Variants in UMAD1 observed in about 807,000 individuals in gnomAD.
UMAD1 encodes UBAP1-MVB12-associated (UMA) domain containing 1.
In UMAD1, 8 loss-of-function variants were observed where a neutral mutation model predicts 6.1. The observed-to-expected ratio is 1.30, with a 90% confidence interval of 0.76 to 2.35. The LOEUF (loss-of-function observed/expected upper bound fraction) is 2.35, where lower values mean the gene tolerates loss of function less well. Among genes scored for constraint, UMAD1 ranks in the 30% most tolerant of loss-of-function variants. The pLI is 0.00. For synonymous variants in UMAD1, 56 were observed against 31.4 expected (o/e 1.78, Z -2.61); for missense variants, 130 against 78.4 (o/e 1.66, Z -2.49).
intron 2 of UMAD1, among the ~76,000 whole-genome samples, chr7:7,686,686 C>T (rs1780048542): frequency 6.6e-6 from 1 of 152,140 alleles, no homozygotes. Flanking sequence ...TTTAAATCTT[C>T]TTTAGCTTCA....
At chr7:7,835,462 CTTTTTTTTTTTTTTTTTTTTTTTTT>C (rs150411259) in intron 3 of UMAD1, among the ~76,000 whole-genome samples, 14 of 33,654 alleles carry the variant, frequency 4.2e-4, no homozygotes, top group Admixed American at 3.6e-3. Context: ...TGAAACAGCA[CTTTTTTTTTTTTTTTTTTTTTTTTT>C]TTTTTTTTTT....
intron 1 of UMAD1, among the ~76,000 whole-genome samples, chr7:7,665,185 T>G (rs1221141020): frequency 3.9e-5 from 6 of 152,148 alleles, no homozygotes; most frequent in Non-Finnish European, 7.4e-5. Flanking sequence ...CTAATCCTTT[T>G]GTCATGGATA....
intron 3 of UMAD1, among the ~76,000 whole-genome samples, chr7:7,861,132 T>C (rs1267999912): frequency 6.6e-6 from 1 of 152,192 alleles, no homozygotes; most frequent in Non-Finnish European, 1.5e-5. Flanking sequence ...TTAATGGGTA[T>C]AGAGTTTCTG....
chr7:7,753,794 G>A (rs778943723), intron 2 of UMAD1, among the ~76,000 whole-genome samples: 14 of 152,086 alleles, frequency 9.2e-5, no homozygotes, highest in South Asian at 4.2e-4. Flanking sequence ...TATACCCAGC[G>A]GTCAGATTGC....
At chr7:7,865,444 A>G (rs1243236094) in intron 3 of UMAD1, among the ~76,000 whole-genome samples, 2 of 152,204 alleles carry the variant, frequency 1.3e-5, no homozygotes, top group Non-Finnish European at 2.9e-5. Context: ...CCAACTAGGT[A>G]ACTCAGCCTA....
intron 2 of UMAD1, chr7:7,742,292 A>G (rs374497098): frequency 4.6e-6 from 3 of 647,680 alleles, no homozygotes; most frequent in Admixed American, 1.8e-5. Flanking sequence ...TGTCTTCTTC[A>G]TGGCCGACTC....
chr7:7,690,665 C>T (rs886678987), intron 2 of UMAD1, among the ~76,000 whole-genome samples: 2 of 152,054 alleles, frequency 1.3e-5, no homozygotes, highest in Admixed American at 6.6e-5. Context: ...ATTGAGAATA[C>T]TTTAATATAT....
intron 2 of UMAD1, among the ~76,000 whole-genome samples, chr7:7,748,974 A>G (rs539958721): frequency 1.3e-5 from 2 of 152,094 alleles, no homozygotes; most frequent in African/African-American, 4.8e-5. Flanking sequence ...CCTATTACAC[A>G]TGATTTTCTT....
intron 1 of UMAD1, among the ~76,000 whole-genome samples, chr7:7,651,799 G>A: frequency 6.6e-6 from 1 of 152,194 alleles, no homozygotes; most frequent in East Asian, 1.9e-4. Context: ...TAAAAGGTCT[G>A]TGAGTGAGTT....
intron 2 of UMAD1, among the ~76,000 whole-genome samples, chr7:7,702,427 A>G (rs1196621910): frequency 1.3e-5 from 2 of 152,188 alleles, no homozygotes; most frequent in East Asian, 1.9e-4. Context: ...TCTATGGACT[A>G]TAATACGAAA....
rs747054329 is a variant in UMAD1, at chr7:7,850,279, T to G, written c.157-27002T>G. ...ATATTGATATTTAAATATGAAACTC[T>G]TACATCATTCTTTCAAACATATTTA... On this transcript the variant is annotated intron_variant, in intron 3 of 3. Coordinates refer to ENST00000682710, the MANE Select transcript of UMAD1 (RefSeq NM_001302348.2). Among the ~76,000 whole-genome samples, 5 of 152,260 alleles carry G rather than the reference T, an allele frequency of 3.3e-5. No individual in the cohort carries two copies. The South Asian group carries it at 1.0e-3, about 32-fold the overall frequency.
intron 2 of UMAD1, among the ~76,000 whole-genome samples, chr7:7,704,256 A>G (rs151009039): frequency 1.7e-3 from 260 of 152,342 alleles, no homozygotes; most frequent in African/African-American, 5.9e-3. Flanking sequence ...TTTGGAAAAT[A>G]TAGTCATTTT....
intron 2 of UMAD1, among the ~76,000 whole-genome samples, chr7:7,747,590 A>G (rs1481229985): frequency 6.6e-6 from 1 of 152,202 alleles, no homozygotes; most frequent in Admixed American, 6.5e-5. Context: ...CCAAGAAATA[A>G]TAAGCCTTTT....
Position 7,856,594 on chromosome 7 carries a change from G to GT in UMAD1, c.157-20679dup, listed in dbSNP as rs199881561. ...ACCGCCAAACCGTATCATTGGGTGT[G>GT]TTTTTTTTCTTTTTATGAAAGGGTA... On this transcript the variant is annotated intron_variant, in intron 3 of 3. Coordinates refer to ENST00000682710, the MANE Select transcript of UMAD1 (RefSeq NM_001302348.2). 6.6e-3 allele frequency among the ~76,000 whole-genome samples: 1,004 copies of GT among 151,926 alleles called. 12 individuals carry two copies. Among genetic ancestry groups the GT allele is most frequent in the African/African-American group, 0.022 (918 of 41,424 alleles).
chr7:7,798,687 C>G (rs1478131359), intron 2 of UMAD1, among the ~76,000 whole-genome samples: 1 of 152,176 alleles, frequency 6.6e-6, no homozygotes, highest in Non-Finnish European at 1.5e-5. Context: ...GTCTAGTTTC[C>G]TCCCACCTTG....
intron 2 of UMAD1, among the ~76,000 whole-genome samples, chr7:7,691,848 G>A (rs148027454): frequency 2.6e-5 from 4 of 152,262 alleles, no homozygotes; most frequent in Admixed American, 6.5e-5. Flanking sequence ...CCAAACAAAA[G>A]TCATGAAGAT....
intron 1 of UMAD1, among the ~76,000 whole-genome samples, chr7:7,661,590 T>G (rs890079392): frequency 3.3e-5 from 5 of 152,204 alleles, no homozygotes; most frequent in African/African-American, 1.2e-4. Flanking sequence ...TGAAGTTTGC[T>G]GGAGGTCCAG....
intron 2 of UMAD1, among the ~76,000 whole-genome samples, chr7:7,717,048 C>A (rs1456013594): frequency 1.3e-5 from 2 of 149,342 alleles, no homozygotes; most frequent in African/African-American, 5.1e-5. Context: ...CTTTTTCTTT[C>A]TTTCTTTTTT....
intron 2 of UMAD1, among the ~76,000 whole-genome samples, chr7:7,782,322 G>A (rs1232934447): frequency 4.6e-5 from 7 of 151,586 alleles, no homozygotes; most frequent in Admixed American, 4.6e-4. Flanking sequence ...TGTTCTTTTG[G>A]ATCACTTTAG....
Sources: allele counts gnomAD v4.1 joint callset (sites outside exome capture counted in the v4.1 genomes callset), GRCh38; gene constraint gnomAD v4.1.1; transcripts MANE v1.5; gene names NCBI Gene and HGNC (gene_info 2026-07-23, HGNC 2026-07-21).